Variants in MACROD1 observed in about 807,000 individuals in gnomAD.
MACROD1 encodes the protein ADP-ribose glycohydrolase MACROD1.
A neutral mutation model predicts 41.4 loss-of-function variants in MACROD1; 31 were observed. The observed-to-expected ratio is 0.75, with a 90% confidence interval of 0.56 to 1.01. The LOEUF (loss-of-function observed/expected upper bound fraction) is 1.01. Among genes scored for constraint, MACROD1 ranks in the 50% least tolerant of loss-of-function variants. The pLI, the probability that MACROD1 is intolerant of heterozygous loss-of-function variation, is 0.00. For synonymous variants in MACROD1, 252 were observed against 203.4 expected (o/e 1.24, Z -2.03); for missense variants, 473 against 460.0 (o/e 1.03, Z -0.26).
At chr11:64,012,317 T>C (rs2134337540) in intron 4 of MACROD1, among the ~76,000 whole-genome samples, 1 of 152,338 alleles carries the variant, frequency 6.6e-6, no homozygotes, top group African/African-American at 2.4e-5. Flanking sequence ...AAAACATCTT[T>C]GGTTTCCACC....
At chr11:63,999,216 G>A (rs1292271360) in intron 8 of MACROD1, 115 bp downstream of exon 8, 15 of 1,409,008 alleles carry the variant, frequency 1.1e-5, no homozygotes, top group Non-Finnish European at 1.4e-5. Context: ...GAGAAACAGG[G>A]AAGGAAGGGG....
chr11:64,117,486 G>C, intron 3 of MACROD1: 3 of 1,612,250 alleles, frequency 1.9e-6, no homozygotes, highest in Non-Finnish European at 2.5e-6. Context: ...CACGCCCCAG[G>C]GTTCCCTGTT....
chr11:64,023,392 A>G (rs1000748621), intron 3 of MACROD1, among the ~76,000 whole-genome samples: 1 of 152,070 alleles, frequency 6.6e-6, no homozygotes, highest in Non-Finnish European at 1.5e-5. Flanking sequence ...GGGGGTGATC[A>G]TTTAACTGAG....
chr11:64,079,898 C>G (rs538608016), intron 3 of MACROD1, among the ~76,000 whole-genome samples: 1 of 152,092 alleles, frequency 6.6e-6, no homozygotes, highest in Non-Finnish European at 1.5e-5. Flanking sequence ...TGTCTTCAGT[C>G]GTAAATGAGG....
At chr11:64,019,217 C>T (rs79586371) in intron 3 of MACROD1, among the ~76,000 whole-genome samples, 5,064 of 152,294 alleles carry the variant, frequency 0.033, 269 homozygotes, top group African/African-American at 0.11. Context: ...TCGGGTTCCC[C>T]CCGCCCGAGG....
intron 1 of MACROD1, among the ~76,000 whole-genome samples, chr11:64,164,831 A>T (rs1287048150): frequency 6.6e-6 from 1 of 152,180 alleles, no homozygotes; most frequent in African/African-American, 2.4e-5. Context: ...ACAGGATCCC[A>T]GGAGGCAGGC....
At chr11:64,073,840 G>C (rs747715414) in intron 3 of MACROD1, among the ~76,000 whole-genome samples, 11 of 152,166 alleles carry the variant, frequency 7.2e-5, no homozygotes, top group Non-Finnish European at 1.5e-4. Context: ...ACAGCCCCCA[G>C]AGCCTTGCAG....
intron 3 of MACROD1, among the ~76,000 whole-genome samples, chr11:64,128,167 C>A (rs1206286474): frequency 6.6e-6 from 1 of 152,116 alleles, no homozygotes; most frequent in African/African-American, 2.4e-5. Context: ...CCAAGAGAGA[C>A]CACTCTAAGG....
intron 3 of MACROD1, among the ~76,000 whole-genome samples, chr11:64,086,473 C>T (rs1274979203): frequency 3.3e-5 from 5 of 152,056 alleles, no homozygotes; most frequent in Non-Finnish European, 7.4e-5. Context: ...CCCATGCCCT[C>T]AGGAGGAAGT....
intron 3 of MACROD1, among the ~76,000 whole-genome samples, chr11:64,028,364 CT>C (rs1447439987): frequency 6.6e-6 from 1 of 152,276 alleles, no homozygotes; most frequent in Non-Finnish European, 1.5e-5. Flanking sequence ...TAGGGCCCCC[CT>C]GGCCTGGGCG....
Position 64,146,189 on chromosome 11 carries a change from G to A in MACROD1, c.517+5050C>T, listed in dbSNP as rs1434626541. ...CCAGGAAACTCAAGGGCAGGGAGGT[G>A]GCCTAGTCAAGGTCACTGCACCCCC... On this transcript the variant is annotated intron_variant, in intron 3 of 10. Transcript: ENST00000255681. This position sits in a 1 kb window ranked among gnomAD's most constrained non-coding sequence, Gnocchi z 4.7. Among the ~76,000 whole-genome samples the A allele has an allele frequency of 6.6e-6, 1 of 152,072 alleles. No individual in the cohort carries two copies. Among genetic ancestry groups the A allele is most frequent in the East Asian group, 1.9e-4 (1 of 5,192 alleles).
At chr11:64,015,419 C>G in intron 3 of MACROD1, 138 bp from the exon 4 acceptor site, 1 of 688,942 alleles carries the variant, frequency 1.5e-6, no homozygotes, top group Non-Finnish European at 2.4e-6. Flanking sequence ...TCTTCCCAGT[C>G]CTCCGGGGCG....
At chr11:64,054,075 A>T (rs1165154604) in intron 3 of MACROD1, among the ~76,000 whole-genome samples, 1 of 151,976 alleles carries the variant, frequency 6.6e-6, no homozygotes, top group African/African-American at 2.4e-5. Context: ...TGTCACCTCC[A>T]CCTGCGAATG....
chr11:64,114,438 T>C (rs999933066), intron 3 of MACROD1, among the ~76,000 whole-genome samples: 1 of 147,050 alleles, frequency 6.8e-6, no homozygotes, highest in Admixed American at 6.7e-5. Context: ...GTTGAATGGA[T>C]GGATGGATGG....
At chr11:64,140,875 C>A (rs1203049509) in intron 3 of MACROD1, among the ~76,000 whole-genome samples, 2 of 152,234 alleles carry the variant, frequency 1.3e-5, no homozygotes, top group African/African-American at 4.8e-5. Flanking sequence ...TGGCTCATGC[C>A]TGTAATCCTA....
intron 3 of MACROD1, among the ~76,000 whole-genome samples, chr11:64,062,090 G>C (rs1943916760): frequency 1.3e-5 from 2 of 151,706 alleles, no homozygotes; most frequent in Admixed American, 6.6e-5. Context: ...CTGCCTGGGG[G>C]ATGTCTGCTT....
intron 3 of MACROD1, among the ~76,000 whole-genome samples, chr11:64,134,649 G>A (rs567770031): frequency 2.0e-5 from 3 of 152,254 alleles, no homozygotes; most frequent in Admixed American, 6.5e-5. Context: ...CTGCCTCCCC[G>A]GCTGCGCCAC....
chr11:64,127,542 C>A (rs928301401), intron 3 of MACROD1, among the ~76,000 whole-genome samples: 17 of 152,352 alleles, frequency 1.1e-4, no homozygotes, highest in African/African-American at 4.1e-4. Flanking sequence ...CTGTTCCCTC[C>A]GGCACCATCC....
chr11:64,108,695 C>A (rs116841289), intron 3 of MACROD1, among the ~76,000 whole-genome samples: 1 of 152,214 alleles, frequency 6.6e-6, no homozygotes, highest in African/African-American at 2.4e-5. Flanking sequence ...TGCTTCTGCC[C>A]GCAGTCTGCC....
Sources: gnomAD v4.1 joint callset for allele counts (sites outside exome capture counted in the v4.1 genomes callset) on GRCh38, gnomAD v4.1.1 for gene constraint, Gnocchi (gnomAD v3.1) non-coding constraint, MANE v1.5 for transcripts, NCBI Gene and HGNC (gene_info 2026-07-23, HGNC 2026-07-21) for gene names.